Variants in TANC1 observed in about 807,000 individuals in gnomAD.
TANC1 encodes tetratricopeptide repeat, ankyrin repeat and coiled-coil containing 1, also known as protein TANC1.
In TANC1, 77 loss-of-function variants were observed where a neutral mutation model predicts 149.7. That is an observed-to-expected ratio of 0.51 (90% CI 0.43 to 0.62). TANC1 has a LOEUF of 0.62. Among genes scored for constraint, TANC1 ranks in the 20% least tolerant of loss-of-function variants. TANC1 has a pLI of 0.00. For synonymous variants in TANC1, 854 were observed against 925.0 expected (o/e 0.92, Z 1.39); for missense variants, 1,985 against 2,321.8 (o/e 0.85, Z 2.98).
intron 25 of TANC1, 178 bp from the exon 26 acceptor site, chr2:159,228,618 A>G: frequency 1.7e-6 from 1 of 598,802 alleles, no homozygotes; most frequent in East Asian, 2.8e-5. Context: ...TCTCCTAATG[A>G]TATTAATCAA....
intron 4 of TANC1, among the ~76,000 whole-genome samples, chr2:159,119,541 G>A (rs987756544): frequency 6.6e-6 from 1 of 152,210 alleles, no homozygotes; most frequent in African/African-American, 2.4e-5. Context: ...AGTAAGGTAA[G>A]CAATGACTGT....
intron 1 of TANC1, among the ~76,000 whole-genome samples, chr2:158,989,151 C>G (rs534261445): frequency 1.5e-4 from 23 of 152,214 alleles, no homozygotes; most frequent in Middle Eastern, 3.4e-3. Context: ...CTCAAAGATA[C>G]CCCCTGAGGA....
chr2:159,055,452 T>C (rs1256300020), intron 2 of TANC1, among the ~76,000 whole-genome samples: 3 of 152,210 alleles, frequency 2.0e-5, no homozygotes. Flanking sequence ...CCTCAGTTCA[T>C]TGAGGACTTT....
At chr2:159,010,205 A>G (rs1015611319) in intron 2 of TANC1, among the ~76,000 whole-genome samples, 3 of 152,196 alleles carry the variant, frequency 2.0e-5, no homozygotes, top group Non-Finnish European at 2.9e-5. Flanking sequence ...TAGTTATGCT[A>G]TCATTCAGAG....
At chr2:159,014,929 G>C (rs1226703315) in intron 2 of TANC1, among the ~76,000 whole-genome samples, 1 of 152,212 alleles carries the variant, frequency 6.6e-6, no homozygotes, top group Non-Finnish European at 1.5e-5. Context: ...TGCATTCACA[G>C]GCTGGCATGA....
intron 4 of TANC1, among the ~76,000 whole-genome samples, chr2:159,131,534 C>G (rs2050106294): frequency 6.6e-6 from 1 of 150,878 alleles, no homozygotes; most frequent in Admixed American, 6.6e-5. Flanking sequence ...CCCCTGCCCC[C>G]ACCCAACACT....
intron 18 of TANC1, among the ~76,000 whole-genome samples, chr2:159,198,176 T>C (rs2058002376): frequency 6.6e-6 from 1 of 152,332 alleles, no homozygotes; most frequent in East Asian, 1.9e-4. Flanking sequence ...TGTGATTGAT[T>C]AGATCAGGTG....
intron 4 of TANC1, among the ~76,000 whole-genome samples, chr2:159,130,083 G>A (rs2049924887): frequency 6.6e-6 from 1 of 152,190 alleles, no homozygotes; most frequent in African/African-American, 2.4e-5. Flanking sequence ...AGACATGCCA[G>A]CTCCTAGAGG....
chr2:159,049,196 T>C (rs924487946), intron 2 of TANC1, among the ~76,000 whole-genome samples: 2 of 152,216 alleles, frequency 1.3e-5, no homozygotes, highest in African/African-American at 4.8e-5. Context: ...AATTGTTTAA[T>C]TTTCAAAGTC....
In TANC1 at chr2:158,999,624, GT is replaced by G. The variant is rs987816447; in HGVS notation, c.-125-1449del. 6.6e-5 allele frequency among the ~76,000 whole-genome samples: 10 copies of G among 152,216 alleles called. No homozygotes were observed. In the South Asian group the frequency reaches 1.2e-3, roughly 19 times the overall value. ...GGAGGAAGTAGTGGTTTTGTTTCTG[GT>G]TTTTTTCTTTCATCAAAGGGATATT... On this transcript the variant is annotated intron_variant, in intron 1 of 26. Coordinates refer to ENST00000263635, the MANE Select transcript of TANC1 (RefSeq NM_033394.3).
At chr2:159,217,719 C>T (rs1215314287) in intron 20 of TANC1, 89 bp downstream of exon 20, 22 of 1,498,580 alleles carry the variant, frequency 1.5e-5, no homozygotes, top group Non-Finnish European at 2.0e-5. Context: ...CAATGCAGCT[C>T]CCCTGAGCCT....
chr2:159,083,833 G>A (rs940752990), intron 3 of TANC1, among the ~76,000 whole-genome samples: 2 of 151,956 alleles, frequency 1.3e-5, no homozygotes, highest in African/African-American at 4.8e-5. Flanking sequence ...GATATTTTAC[G>A]AGACATGTCA....
At chr2:159,200,576 C>T (rs1170112606) in intron 19 of TANC1, among the ~76,000 whole-genome samples, 1 of 152,198 alleles carries the variant, frequency 6.6e-6, no homozygotes, top group Admixed American at 6.5e-5. Context: ...TTTGAGCTCT[C>T]TTCTCTCAAT....
At chr2:158,982,773 A>C (rs1180936815) in intron 1 of TANC1, among the ~76,000 whole-genome samples, 2 of 151,950 alleles carry the variant, frequency 1.3e-5, no homozygotes, top group Non-Finnish European at 2.9e-5. Context: ...ATGCCTGACT[A>C]ATTTTTTTAT....
At chr2:159,154,735 T>G (rs1179150017) in intron 7 of TANC1, among the ~76,000 whole-genome samples, 1 of 152,228 alleles carries the variant, frequency 6.6e-6, no homozygotes, top group Non-Finnish European at 1.5e-5. Flanking sequence ...ATCTTTTTTA[T>G]TTTTTTAAGT....
chr2:159,157,201 C>T (rs999658824), intron 7 of TANC1, among the ~76,000 whole-genome samples: 23 of 152,306 alleles, frequency 1.5e-4, no homozygotes, highest in Non-Finnish European at 2.6e-4. Flanking sequence ...GGGGGTCCCA[C>T]CTGGGACATT....
chr2:159,220,873 T>A (rs2059665919), intron 22 of TANC1, among the ~76,000 whole-genome samples: 1 of 151,970 alleles, frequency 6.6e-6, no homozygotes, highest in South Asian at 2.1e-4. Flanking sequence ...TGAGCCACCA[T>A]GCCCGGACAA....
At chr2:159,142,982 G>C (rs2051551709) in intron 5 of TANC1, among the ~76,000 whole-genome samples, 1 of 149,506 alleles carries the variant, frequency 6.7e-6, no homozygotes, top group Non-Finnish European at 1.5e-5. Flanking sequence ...AGAATTGCTT[G>C]AACCCAGGAG....
chr2:159,091,495 G>A (rs143372546), intron 3 of TANC1, among the ~76,000 whole-genome samples: 16 of 152,170 alleles, frequency 1.1e-4, no homozygotes, highest in African/African-American at 3.6e-4. Flanking sequence ...AGAAACTCTT[G>A]CATGCTGATA....
Sources: gnomAD v4.1 joint callset for allele counts (sites outside exome capture counted in the v4.1 genomes callset) on GRCh38, gnomAD v4.1.1 for gene constraint, MANE v1.5 for transcripts, NCBI Gene and HGNC (gene_info 2026-07-23, HGNC 2026-07-21) for gene names.